JPH1: variants seen among roughly 807,000 people sequenced by gnomAD.
JPH1 encodes the protein junctophilin 1, also known as junctophilin-1.
Under a neutral mutation model 53.6 loss-of-function variants are expected in JPH1, and 12 were observed. The observed-to-expected ratio is 0.22, with a 90% CI of 0.14 to 0.36. JPH1 has a LOEUF of 0.36. Ranked by LOEUF, JPH1 falls within the 10% of genes least tolerant of loss-of-function variation. The pLI, the probability that JPH1 is intolerant of heterozygous loss-of-function variation, is 1.00. For synonymous variants in JPH1, 375 were observed against 363.8 expected, an observed-to-expected ratio of 1.03 and a Z score of -0.35; for missense variants, 808 against 905.5, an observed-to-expected ratio of 0.89 and a Z score of 1.38.
chr8:74,251,926 A>G (rs1281696759), intron 3 of JPH1, among the ~76,000 whole-genome samples: 1 of 152,192 alleles, frequency 6.6e-6, no homozygotes, highest in Non-Finnish European at 1.5e-5. Flanking sequence ...AAACTATACT[A>G]CAAGGCTACA....
chr8:74,251,346 C>A (rs183089403), intron 3 of JPH1, among the ~76,000 whole-genome samples: 1 of 152,128 alleles, frequency 6.6e-6, no homozygotes, highest in African/African-American at 2.4e-5. Flanking sequence ...TTAAAGCCAT[C>A]CTATTACTTA....
At chr8:74,309,995 AG>A (rs1487958865) in intron 2 of JPH1, among the ~76,000 whole-genome samples, 1 of 152,200 alleles carries the variant, frequency 6.6e-6, no homozygotes, top group Non-Finnish European at 1.5e-5. Flanking sequence ...GTTATAGTTT[AG>A]GGCTCTAAAA....
chr8:74,316,996 T>C (rs1279144957), intron 1 of JPH1, among the ~76,000 whole-genome samples: 1 of 152,238 alleles, frequency 6.6e-6, no homozygotes, highest in Non-Finnish European at 1.5e-5. Context: ...TAATGATTAG[T>C]CTGTCTTGAC....
intron 2 of JPH1, among the ~76,000 whole-genome samples, chr8:74,298,796 A>G (rs1294723745): frequency 6.6e-6 from 1 of 152,146 alleles, no homozygotes; most frequent in Non-Finnish European, 1.5e-5. Flanking sequence ...TAGTCATACC[A>G]CTGCTGTTCT....
At chr8:74,313,051 C>T (rs915198619) in intron 2 of JPH1, among the ~76,000 whole-genome samples, 3 of 152,268 alleles carry the variant, frequency 2.0e-5, no homozygotes, top group East Asian at 1.9e-4. Context: ...CATTGCCAGT[C>T]GCTTTCTGTT....
At chr8:74,285,040 G>A (rs1245439115) in intron 2 of JPH1, among the ~76,000 whole-genome samples, 2 of 151,996 alleles carry the variant, frequency 1.3e-5, no homozygotes, top group East Asian at 3.9e-4. Flanking sequence ...GGTCAGGCTG[G>A]TCTCGAACTC....
chr8:74,301,406 T>C (rs551364294), intron 2 of JPH1, among the ~76,000 whole-genome samples: 1 of 152,326 alleles, frequency 6.6e-6, no homozygotes, highest in East Asian at 1.9e-4. Flanking sequence ...AAGAATAACC[T>C]GAGAAGTCTG....
chr8:74,316,509 G>C (rs1004583297), intron 1 of JPH1, among the ~76,000 whole-genome samples: 24 of 152,118 alleles, frequency 1.6e-4, no homozygotes, highest in Admixed American at 1.5e-3. Context: ...GTGGATGGAG[G>C]GTGTTTGATG....
chr8:74,237,433 G>T, intron 4 of JPH1, 130 bp from the exon 5 acceptor site: 1 of 686,602 alleles, frequency 1.5e-6, no homozygotes, highest in Non-Finnish European at 2.5e-6. Context: ...GATGACAGCA[G>T]TTCGGAAAGG....
intron 2 of JPH1, among the ~76,000 whole-genome samples, chr8:74,306,604 C>CT (rs5892449): frequency 0.28 from 41,312 of 147,254 alleles, 5,815 homozygotes; most frequent in Admixed American, 0.32. Context: ...TCTACACTAA[C>CT]TTTTTTTTTT....
At chr8:74,266,132 A>C (rs965853503) in intron 2 of JPH1, among the ~76,000 whole-genome samples, 1 of 152,080 alleles carries the variant, frequency 6.6e-6, no homozygotes, top group Non-Finnish European at 1.5e-5. Context: ...ATACTAAAAA[A>C]AAAACTGAAA....
intron 2 of JPH1, among the ~76,000 whole-genome samples, chr8:74,306,759 G>A (rs533694865): frequency 6.6e-6 from 1 of 152,096 alleles, no homozygotes; most frequent in African/African-American, 2.4e-5. Flanking sequence ...ACGATGCCTG[G>A]CTAATTTTTG....
intron 2 of JPH1, among the ~76,000 whole-genome samples, chr8:74,266,778 G>GA (rs902165719): frequency 6.6e-6 from 1 of 152,140 alleles, no homozygotes; most frequent in African/African-American, 2.4e-5. Flanking sequence ...AGTGAGGAGA[G>GA]AAAAAACAAA....
intron 2 of JPH1, among the ~76,000 whole-genome samples, chr8:74,309,402 C>G (rs996888358): frequency 1.3e-5 from 2 of 152,186 alleles, no homozygotes; most frequent in African/African-American, 4.8e-5. Context: ...GAGGCCAGCT[C>G]TCTCCCACCC....
chr8:74,260,740 G>A lies in JPH1; in HGVS notation c.1140-1237C>T, dbSNP rs571332298. On this transcript the variant is annotated intron_variant, in intron 2 of 5. Coordinates refer to ENST00000342232, the MANE Select transcript of JPH1 (RefSeq NM_020647.4). ...AGGCACCGGGCCTGGCCTGAGACAA[G>A]GGGGTCTACTGGTAGGAGGCCCCCT... 5.9e-5 allele frequency among the ~76,000 whole-genome samples: 9 copies of A among 152,264 alleles called. No individual in the cohort carries two copies. In the East Asian group the frequency reaches 1.7e-3, roughly 30 times the overall value.
chr8:74,239,404 A>C (rs1415549969), intron 4 of JPH1, among the ~76,000 whole-genome samples: 1 of 152,216 alleles, frequency 6.6e-6, no homozygotes, highest in Non-Finnish European at 1.5e-5. Flanking sequence ...CAGTCCTTTA[A>C]AATGACATTT....
chr8:74,261,492 T>C (rs148953420), intron 2 of JPH1, among the ~76,000 whole-genome samples: 1 of 152,292 alleles, frequency 6.6e-6, no homozygotes, highest in African/African-American at 2.4e-5. Flanking sequence ...CTTTAGATTA[T>C]TTGTGTATGG....
At chr8:74,263,936 G>A (rs188313290) in intron 2 of JPH1, among the ~76,000 whole-genome samples, 1 of 152,314 alleles carries the variant, frequency 6.6e-6, no homozygotes, top group Non-Finnish European at 1.5e-5. Context: ...AGTCTGTTAA[G>A]CAAGGAATAC....
At chr8:74,312,595 A>G (rs1261680461) in intron 2 of JPH1, among the ~76,000 whole-genome samples, 1 of 152,204 alleles carries the variant, frequency 6.6e-6, no homozygotes, top group Non-Finnish European at 1.5e-5. Context: ...AACTATAGGC[A>G]CAGTGTTGTA....
Sources: gnomAD v4.1 joint callset for allele counts (sites outside exome capture counted in the v4.1 genomes callset) on GRCh38, gnomAD v4.1.1 for gene constraint, MANE v1.5 for transcripts, NCBI Gene and HGNC (gene_info 2026-07-23, HGNC 2026-07-21) for gene names.